The following METTL13 variants were observed in gnomAD, a reference collection of about 807,000 sequenced individuals.
METTL13 encodes the protein methyltransferase 13, eEF1A N-terminus and K55.
METTL13 carries 52 observed loss-of-function variants against 67.4 expected under a neutral mutation model. The observed-to-expected ratio is 0.77, with a 90% CI of 0.62 to 0.97. METTL13 has a LOEUF of 0.97. Ranked by LOEUF, METTL13 falls within the 50% of genes least tolerant of loss-of-function variation. The pLI is 0.00. For synonymous variants in METTL13, 354 were observed against 353.6 expected, an observed-to-expected ratio of 1.00 and a Z score of -0.01; for missense variants, 825 against 889.6, an observed-to-expected ratio of 0.93 and a Z score of 0.92.
chr1:171,786,217 G>A, intron 3 of METTL13, 139 bp downstream of exon 3: 1 of 950,388 alleles, frequency 1.1e-6, no homozygotes, highest in Non-Finnish European at 1.5e-6. Context: ...GCAGCTAAGG[G>A]TTAAATGGCA....
intron 3 of METTL13, among the ~76,000 whole-genome samples, chr1:171,786,821 C>T (rs1657029568): frequency 1.3e-5 from 2 of 152,066 alleles, no homozygotes. Context: ...GTGCAAGCCA[C>T]CATACCTGGC....
At chr1:171,793,929 G>C (rs955000882) in intron 6 of METTL13, among the ~76,000 whole-genome samples, 1 of 152,174 alleles carries the variant, frequency 6.6e-6, no homozygotes, top group African/African-American at 2.4e-5. Context: ...ACTGTATTTA[G>C]AATTACCTGG....
intron 3 of METTL13, among the ~76,000 whole-genome samples, chr1:171,786,832 T>C (rs1273360933): frequency 6.6e-6 from 1 of 152,074 alleles, no homozygotes; most frequent in Non-Finnish European, 1.5e-5. Flanking sequence ...CATACCTGGC[T>C]AGTTTTTTTT....
intron 7 of METTL13, among the ~76,000 whole-genome samples, chr1:171,794,978 C>G (rs1657321025): frequency 6.6e-6 from 1 of 152,136 alleles, no homozygotes; most frequent in South Asian, 2.1e-4. Flanking sequence ...TGCCACCATG[C>G]CTGGCTAATT....
At chr1:171,784,924 G>T (rs146297433) in intron 2 of METTL13, among the ~76,000 whole-genome samples, 36 of 152,320 alleles carry the variant, frequency 2.4e-4, no homozygotes, top group Non-Finnish European at 4.3e-4. Context: ...GCAGGACCTG[G>T]GGAAGTTGCT....
At chr1:171,793,264 T>G (rs982206135) in intron 6 of METTL13, among the ~76,000 whole-genome samples, 1 of 152,252 alleles carries the variant, frequency 6.6e-6, no homozygotes, top group African/African-American at 2.4e-5. Flanking sequence ...TTTCGTAGGT[T>G]CCCTCTCTGA....
Position 171,784,106 on chromosome 1 carries a change from T to C in METTL13, c.520T>C (p.Phe174Leu). The part of the protein sequence containing the change: ...AHILKKAVGH[F>L]SREGWMVRVH... Reference sequence around the variant, plus strand: ...CATCCTGAAGAAAGCAGTGGGCCACTTCTCCCGGGAGGGGTGGATGGTGAG... The same window carrying C: ...CATCCTGAAGAAAGCAGTGGGCCACCTCTCCCGGGAGGGGTGGATGGTGAG... The change falls in exon 2 of 8, where the codon TTC becomes CTC. Residue 174 changes from phenylalanine to leucine, a missense_variant. Transcript: ENST00000361735. 2 of 1,614,220 alleles carry C rather than the reference T, an allele frequency of 1.2e-6. No individual in the cohort carries two copies. Among genetic ancestry groups the C allele is most frequent in the Non-Finnish European group, 1.7e-6 (2 of 1,180,030 alleles).
chr1:171,794,552 G>C, intron 7 of METTL13, 25 bp downstream of exon 7: 1 of 1,613,844 alleles, frequency 6.2e-7, no homozygotes, highest in Non-Finnish European at 8.5e-7. Context: ...AGGTGGGAGA[G>C]GGAGGAGAGA....
chr1:171,790,831 T>C (rs1374290848), intron 5 of METTL13: 1 of 431,128 alleles, frequency 2.3e-6, no homozygotes, highest in African/African-American at 2.0e-5. Flanking sequence ...TATGTTAGAG[T>C]CTAAGTGGTA....
At chr1:171,788,536 C>A (rs1657100457) in intron 4 of METTL13, among the ~76,000 whole-genome samples, 1 of 152,108 alleles carries the variant, frequency 6.6e-6, no homozygotes, top group Non-Finnish European at 1.5e-5. Flanking sequence ...GGGCTAGTGG[C>A]TAGTATTGGA....
chr1:171,792,839 A>G (rs548143843), intron 6 of METTL13, among the ~76,000 whole-genome samples: 3 of 152,330 alleles, frequency 2.0e-5, no homozygotes, highest in Non-Finnish European at 4.4e-5. Flanking sequence ...CAGAATTTCC[A>G]CAGTGCTCAG....
At chr1:171,789,165 A>G (rs1026481472) in intron 4 of METTL13, among the ~76,000 whole-genome samples, 3 of 152,182 alleles carry the variant, frequency 2.0e-5, no homozygotes, top group Admixed American at 1.3e-4. Context: ...TCTCATGGAA[A>G]GAACGTTCTC....
intron 4 of METTL13, among the ~76,000 whole-genome samples, chr1:171,789,263 C>T (rs934747675): frequency 6.6e-6 from 1 of 152,206 alleles, no homozygotes; most frequent in Non-Finnish European, 1.5e-5. Context: ...CACTCATCAG[C>T]ACTTTTTACT....
rs1443255608 is a variant in METTL13, at chr1:171,786,004, A to G, written c.1039A>G (p.Met347Val). ...TCACCGAGGTCAGCAGTATGAAAGC[A>G]TGGACCACATCCAAGCTGAGCTGTC... ...ALHRGQQYES[M>V]DHIQAELSAR... Residue 347 changes from methionine to valine, a missense_variant, in exon 3 of 8, where the codon ATG becomes GTG. Physicochemically the swap from Met to Val is conservative, Grantham distance 21. Coordinates refer to ENST00000361735, the MANE Select transcript of METTL13 (RefSeq NM_015935.5). 5 of 1,614,014 alleles carry G rather than the reference A, an allele frequency of 3.1e-6. No individual in the cohort carries two copies. The highest frequency in any genetic ancestry group is 1.1e-5 in the South Asian group (1 of 91,040).
At chr1:171,793,461 C>T (rs556490020) in intron 6 of METTL13, among the ~76,000 whole-genome samples, 6 of 152,352 alleles carry the variant, frequency 3.9e-5, no homozygotes, top group African/African-American at 1.4e-4. Flanking sequence ...GGGCTCAAGG[C>T]TGCAAATGCA....
At chr1:171,789,248 G>A (rs561563834) in intron 4 of METTL13, among the ~76,000 whole-genome samples, 70 of 152,144 alleles carry the variant, frequency 4.6e-4, no homozygotes, top group Non-Finnish European at 7.5e-4. Context: ...AAAGCACCCC[G>A]ACTCCACTCA....
At chr1:171,790,265 G>C (rs1041997151) in intron 4 of METTL13, among the ~76,000 whole-genome samples, 187 bp from the exon 5 acceptor site, 1 of 152,184 alleles carries the variant, frequency 6.6e-6, no homozygotes, top group South Asian at 2.1e-4. Context: ...GAGATTTGTA[G>C]GGGACAAACA....
rs199795563 is a variant in METTL13, at chr1:171,794,401, C to G, written c.1699C>G (p.Pro567Ala). The change falls in exon 7 of 8, where the codon CCT becomes GCT. Residue 567 changes from proline (P) to alanine (A), a missense_variant. Transcript: ENST00000361735. ...ASLAGGGEAR[P>A]CYDVIMFDVD... ...TGTTTCCTTCTTTTTCCCAGCACGG[C>G]CTTGCTACGATGTCATAATGTTTGA... The G allele has an allele frequency of 6.2e-7, 1 of 1,614,008 alleles. No individual in the cohort carries two copies. Among genetic ancestry groups the G allele is most frequent in the Non-Finnish European group, 8.5e-7 (1 of 1,180,000 alleles).
Position 171,781,962 on chromosome 1 carries a change from A to G in METTL13, c.-6A>G. The G allele has an allele frequency of 6.2e-7, 1 of 1,614,090 alleles. No individual in the cohort carries two copies. Among genetic ancestry groups the G allele is most frequent in the South Asian group, 1.1e-5 (1 of 91,082 alleles). ...GTCTTGAAAACGCAGCTTCGGCAGTAGGAACATGAACCTCTTACCTAAAAG... is the reference window on the plus strand; with the variant it reads ...GTCTTGAAAACGCAGCTTCGGCAGTGGGAACATGAACCTCTTACCTAAAAG... On this transcript the variant is annotated 5_prime_UTR_variant, in exon 1 of 8. Coordinates refer to ENST00000361735, the MANE Select transcript of METTL13 (RefSeq NM_015935.5).
Sources: allele counts gnomAD v4.1 joint callset (sites outside exome capture counted in the v4.1 genomes callset), GRCh38; gene constraint gnomAD v4.1.1; transcripts MANE v1.5; gene names NCBI Gene and HGNC (gene_info 2026-07-23, HGNC 2026-07-21).